The following DLGAP2 variants were observed in gnomAD, a reference collection of about 807,000 sequenced individuals.
The protein encoded by DLGAP2 is DLG associated protein 2.
In DLGAP2, 26 loss-of-function variants were observed where a neutral mutation model predicts 100.3. That is an observed-to-expected ratio of 0.26 (90% CI 0.19 to 0.36). The LOEUF (loss-of-function observed/expected upper bound fraction) is 0.36. Among genes scored for constraint, DLGAP2 ranks in the 10% least tolerant of loss-of-function variants. DLGAP2 has a pLI of 1.00. For synonymous variants in DLGAP2, 886 were observed against 630.1 expected (o/e 1.41, Z -6.08); for missense variants, 1,858 against 1,453.2 (o/e 1.28, Z -4.53).
chr8:1,298,897 ACGGGGGGAGAACC>A (rs1464103302), intron 3 of DLGAP2, among the ~76,000 whole-genome samples: 55 of 152,028 alleles, frequency 3.6e-4, no homozygotes, highest in Non-Finnish European at 5.3e-4. Flanking sequence ...TGAGGCAGGA[ACGGGGGGAGAACC>A]CGGGGGGAGA....
chr8:1,315,503 G>A (rs1344289618), intron 3 of DLGAP2, among the ~76,000 whole-genome samples: 5 of 146,158 alleles, frequency 3.4e-5, no homozygotes, highest in South Asian at 2.2e-4. Flanking sequence ...TAGAGCGTGT[G>A]CGAGTGCAGC....
chr8:1,547,019 C>G (rs569200762), intron 4 of DLGAP2, among the ~76,000 whole-genome samples: 1 of 152,078 alleles, frequency 6.6e-6, no homozygotes, highest in East Asian at 1.9e-4. Flanking sequence ...ACAGCAAGGC[C>G]GAGTGGTGTG....
chr8:964,556 T>C (rs774730797), intron 2 of DLGAP2, among the ~76,000 whole-genome samples: 22 of 152,346 alleles, frequency 1.4e-4, no homozygotes, highest in Non-Finnish European at 2.4e-4. Context: ...CCTTGGGAAA[T>C]GTTGCTGGTA....
rs543759698 is a variant in DLGAP2 at position 1,451,890 on chromosome 8, G to T, written c.107-49476G>T. Among the ~76,000 whole-genome samples, 3 of 152,298 alleles carry T rather than the reference G, an allele frequency of 2.0e-5. No homozygotes were observed. The South Asian group carries it at 6.2e-4, about 32-fold the overall frequency. Reference sequence around the variant, plus strand: ...TCCTGTTCCCTCCACCAGAGCTCACGGGCTCCCACACACACGGCCCAGGCC... The same window carrying T: ...TCCTGTTCCCTCCACCAGAGCTCACTGGCTCCCACACACACGGCCCAGGCC... On this transcript the variant is annotated intron_variant, in intron 3 of 14. Coordinates refer to ENST00000637795, the MANE Select transcript of DLGAP2 (RefSeq NM_001346810.2).
chr8:809,077 T>C (rs1796321606), intron 1 of DLGAP2, among the ~76,000 whole-genome samples: 1 of 152,042 alleles, frequency 6.6e-6, no homozygotes, highest in Non-Finnish European at 1.5e-5. Context: ...TGGCTAATTT[T>C]TTTATTTTTA....
intron 1 of DLGAP2, among the ~76,000 whole-genome samples, chr8:870,263 G>T (rs943218898): frequency 6.6e-6 from 1 of 152,080 alleles, no homozygotes; most frequent in African/African-American, 2.4e-5. Flanking sequence ...TAACAAGTGC[G>T]GTTATTACAA....
chr8:1,512,336 T>C (rs1442713421), intron 4 of DLGAP2, among the ~76,000 whole-genome samples: 1 of 152,212 alleles, frequency 6.6e-6, no homozygotes, highest in African/African-American at 2.4e-5. Flanking sequence ...AGTTGTTTAT[T>C]TCACACGGTT....
intron 1 of DLGAP2, among the ~76,000 whole-genome samples, chr8:743,099 A>G (rs1820526293): frequency 6.6e-6 from 1 of 152,180 alleles, no homozygotes; most frequent in Non-Finnish European, 1.5e-5. Context: ...ACTTTTTTGT[A>G]TATCTCTTGC....
In DLGAP2 at chr8:1,227,181, A is replaced by G. The variant is rs866100609; in HGVS notation, c.74-31670A>G. On this transcript the variant is annotated intron_variant, in intron 2 of 14. Coordinates refer to ENST00000637795, the MANE Select transcript of DLGAP2 (RefSeq NM_001346810.2). ...ATATATATATATATATATAGTATAGATATATATTATCCATTCATTTTTAAG... is the reference window on the plus strand; with the variant it reads ...ATATATATATATATATATAGTATAGGTATATATTATCCATTCATTTTTAAG... Among the ~76,000 whole-genome samples the G allele has an allele frequency of 1.2e-3, 155 of 127,674 alleles. 1 individual carries two copies. The highest frequency in any genetic ancestry group is 5.4e-3 in the African/African-American group (149 of 27,602). The allele number at this position is 127,674 out of a possible 152,430, so 83.8% of individuals were successfully genotyped here. A position where few individuals can be genotyped will look rare whatever the true frequency, so the allele number is the denominator to read the frequency against.
chr8:1,568,047 C>T (rs144043291), intron 6 of DLGAP2, among the ~76,000 whole-genome samples: 17 of 151,614 alleles, frequency 1.1e-4, no homozygotes, highest in African/African-American at 3.4e-4. Flanking sequence ...ATCCACTCTG[C>T]CCATGGCCCC....
chr8:1,388,034 G>T (rs1796258399), intron 3 of DLGAP2, among the ~76,000 whole-genome samples: 1 of 152,260 alleles, frequency 6.6e-6, no homozygotes, highest in East Asian at 1.9e-4. Flanking sequence ...AGACGTGGAT[G>T]CAGCCAGTGC....
chr8:1,165,293 GAGAC>G (rs1563225238), intron 2 of DLGAP2, among the ~76,000 whole-genome samples: 2 of 151,610 alleles, frequency 1.3e-5, no homozygotes, highest in South Asian at 2.1e-4. Flanking sequence ...GATGGGGAGA[GAGAC>G]AGGGAGAGAG....
intron 1 of DLGAP2, among the ~76,000 whole-genome samples, chr8:850,029 C>T (rs1020062095): frequency 2.7e-5 from 4 of 149,332 alleles, no homozygotes; most frequent in Non-Finnish European, 5.9e-5. Flanking sequence ...GTGCCACGCA[C>T]TCCAGCCTGG....
At chr8:1,097,176 C>A (rs1290306069) in intron 2 of DLGAP2, among the ~76,000 whole-genome samples, 1 of 134,644 alleles carries the variant, frequency 7.4e-6, no homozygotes, top group Non-Finnish European at 1.6e-5. Flanking sequence ...AGACCCAGCT[C>A]CCTCTGCTCA....
At chr8:827,502 C>T (rs766860730) in intron 1 of DLGAP2, among the ~76,000 whole-genome samples, 6 of 152,128 alleles carry the variant, frequency 3.9e-5, no homozygotes, top group African/African-American at 1.2e-4. Flanking sequence ...TAAATAATTA[C>T]GTGTATAACG....
chr8:1,299,101 G>C (rs1023734465), intron 3 of DLGAP2, among the ~76,000 whole-genome samples: 2 of 152,200 alleles, frequency 1.3e-5, no homozygotes, highest in African/African-American at 4.8e-5. Flanking sequence ...TTGGATTACT[G>C]ACATCTAAAT....
At chr8:1,320,562 T>C (rs1274588012) in intron 3 of DLGAP2, among the ~76,000 whole-genome samples, 1 of 152,220 alleles carries the variant, frequency 6.6e-6, no homozygotes, top group East Asian at 1.9e-4. Context: ...CCCCTGTGCT[T>C]GAGCTCAGCC....
intron 2 of DLGAP2, among the ~76,000 whole-genome samples, chr8:1,093,477 A>G (rs1392250870): frequency 1.3e-5 from 2 of 151,908 alleles, no homozygotes; most frequent in Non-Finnish European, 2.9e-5. Context: ...AGACAGAAAC[A>G]CCTTCACACC....
intron 1 of DLGAP2, among the ~76,000 whole-genome samples, chr8:777,847 A>T (rs1429163472): frequency 6.6e-6 from 1 of 151,954 alleles, no homozygotes; most frequent in East Asian, 1.9e-4. Flanking sequence ...GCTCTTCTCG[A>T]GGAGTATCTT....
Sources: gnomAD v4.1 joint callset for allele counts (sites outside exome capture counted in the v4.1 genomes callset) on GRCh38, gnomAD v4.1.1 for gene constraint, MANE v1.5 for transcripts, NCBI Gene and HGNC (gene_info 2026-07-23, HGNC 2026-07-21) for gene names.